ZBTB20: variants seen among roughly 807,000 people sequenced by gnomAD.
ZBTB20 encodes the protein zinc finger and BTB domain-containing protein 20.
Under a neutral mutation model 56.9 loss-of-function variants are expected in ZBTB20, and 9 were observed. That is an observed-to-expected ratio of 0.16 (90% confidence interval 0.10 to 0.28). The LOEUF (loss-of-function observed/expected upper bound fraction) is 0.28, where lower values mean the gene tolerates loss of function less well. Among genes scored for constraint, ZBTB20 ranks in the 10% least tolerant of loss-of-function variants. The pLI is 1.00. For missense variants in ZBTB20, 655 were observed against 1,003.0 expected (o/e 0.65, Z 4.69); for synonymous variants, 417 against 420.7 (o/e 0.99, Z 0.11).
intron 1 of ZBTB20, among the ~76,000 whole-genome samples, chr3:115,128,013 G>C (rs1300061125): frequency 2.0e-5 from 3 of 151,852 alleles, no homozygotes; most frequent in African/African-American, 7.3e-5. Context: ...CTAGCAATTG[G>C]GACAGTGATC....
chr3:114,506,293 A>C (rs1448662987), intron 6 of ZBTB20, among the ~76,000 whole-genome samples: 3 of 152,156 alleles, frequency 2.0e-5, no homozygotes, highest in African/African-American at 7.2e-5. Flanking sequence ...GTTATAATCA[A>C]TAAAGAGAGA....
At chr3:114,847,450 T>G (rs1435053272) in intron 4 of ZBTB20, among the ~76,000 whole-genome samples, 2 of 151,484 alleles carry the variant, frequency 1.3e-5, no homozygotes, top group African/African-American at 4.9e-5. Flanking sequence ...ACTGGGAGGG[T>G]GGGGGATGAA....
rs575798215 is a variant in ZBTB20, at chr3:114,333,298, C to T, written c.*5707G>A. The T allele has an allele frequency of 6.6e-6, 1 of 152,340 alleles. No homozygotes were observed. Among genetic ancestry groups the T allele is most frequent in the East Asian group, 1.9e-4 (1 of 5,186 alleles). The allele number at this position is 152,340 out of a possible 1,614,324, so 9.4% of individuals were successfully genotyped here. ...CCTTGGGAATATGAAAATACTCTCT[C>T]TCAAGAGCAAGGGCTCTTCCGTGCC... On this transcript the variant is annotated 3_prime_UTR_variant, in exon 12 of 12. Coordinates refer to ENST00000675478, the MANE Select transcript of ZBTB20 (RefSeq NM_001348800.3).
chr3:114,655,409 C>T (rs1290492130), intron 6 of ZBTB20, among the ~76,000 whole-genome samples: 4 of 150,844 alleles, frequency 2.7e-5, no homozygotes, highest in African/African-American at 4.9e-5. Context: ...CCCGCCACCG[C>T]GCCCGGCTAA....
chr3:115,025,754 G>A (rs2080398811), intron 2 of ZBTB20, among the ~76,000 whole-genome samples: 2 of 150,478 alleles, frequency 1.3e-5, no homozygotes, highest in Admixed American at 6.7e-5. Flanking sequence ...TAACACATAT[G>A]TGAATCATTT....
chr3:114,442,270 C>T (rs2090979179), intron 7 of ZBTB20, among the ~76,000 whole-genome samples: 1 of 152,096 alleles, frequency 6.6e-6, no homozygotes, highest in African/African-American at 2.4e-5. Flanking sequence ...GATATTAATG[C>T]TAATGATAAA....
At chr3:114,840,701 C>G (rs1400415403) in intron 4 of ZBTB20, among the ~76,000 whole-genome samples, 1 of 152,060 alleles carries the variant, frequency 6.6e-6, no homozygotes, top group Non-Finnish European at 1.5e-5. Context: ...CAAATTCATA[C>G]CCACCATTGA....
chr3:114,745,646 A>G (rs2066983418), intron 5 of ZBTB20, among the ~76,000 whole-genome samples: 1 of 152,168 alleles, frequency 6.6e-6, no homozygotes, highest in Non-Finnish European at 1.5e-5. Flanking sequence ...TATAATTCAA[A>G]ATATCTCACA....
chr3:114,758,248 C>T (rs1044941458), intron 5 of ZBTB20, among the ~76,000 whole-genome samples: 2 of 152,168 alleles, frequency 1.3e-5, no homozygotes, highest in East Asian at 3.9e-4. Flanking sequence ...CATTTGCACA[C>T]TCATATTTCT....
At chr3:114,971,672 A>C (rs987984813) in intron 3 of ZBTB20, among the ~76,000 whole-genome samples, 1 of 152,246 alleles carries the variant, frequency 6.6e-6, no homozygotes, top group Non-Finnish European at 1.5e-5. Context: ...GTGTATGAGA[A>C]GAATGGATGG....
chr3:114,825,605 G>A (rs9834547), intron 4 of ZBTB20, among the ~76,000 whole-genome samples: 105,895 of 151,590 alleles, frequency 0.7, 41,250 homozygotes, highest in East Asian at 0.96. Flanking sequence ...TAAGAGTTTC[G>A]GTGTGAGCTA....
intron 6 of ZBTB20, among the ~76,000 whole-genome samples, chr3:114,504,002 C>T (rs1478120578): frequency 1.3e-5 from 2 of 151,982 alleles, no homozygotes; most frequent in Non-Finnish European, 2.9e-5. Context: ...TTCATGAATC[C>T]CAGGTTAGGA....
intron 1 of ZBTB20, among the ~76,000 whole-genome samples, chr3:115,146,293 G>T (rs2084968386): frequency 6.7e-6 from 1 of 148,652 alleles, no homozygotes; most frequent in Non-Finnish European, 1.5e-5. Context: ...ATATGTTTGT[G>T]CAAGTGTGTT....
chr3:114,465,681 T>C (rs1240016252), intron 7 of ZBTB20, among the ~76,000 whole-genome samples: 1 of 150,972 alleles, frequency 6.6e-6, no homozygotes, highest in Non-Finnish European at 1.5e-5. Context: ...CACTCCAGCC[T>C]GAGTGACAGA....
At chr3:115,112,896 T>C (rs777864280) in intron 1 of ZBTB20, among the ~76,000 whole-genome samples, 5 of 152,224 alleles carry the variant, frequency 3.3e-5, no homozygotes, top group Non-Finnish European at 7.3e-5. Context: ...GCTGTACTTA[T>C]ATACATTCCC....
chr3:115,033,167 T>C (rs1246029907), intron 2 of ZBTB20, among the ~76,000 whole-genome samples: 1 of 150,712 alleles, frequency 6.6e-6, no homozygotes, highest in East Asian at 1.9e-4. Context: ...AAATCAGAAG[T>C]GAGAGAGGAA....
intron 6 of ZBTB20, among the ~76,000 whole-genome samples, chr3:114,611,292 G>A (rs1560033925): frequency 1.3e-5 from 2 of 152,122 alleles, no homozygotes; most frequent in Non-Finnish European, 2.9e-5. Flanking sequence ...TAGAATGAAT[G>A]CTCCTCCAGA....
chr3:114,737,251 A>AT (rs1000756141), intron 5 of ZBTB20, among the ~76,000 whole-genome samples: 4 of 152,114 alleles, frequency 2.6e-5, no homozygotes, highest in Non-Finnish European at 4.4e-5. Context: ...GTAGAGAAAC[A>AT]TTTTTTTGAA....
chr3:114,595,088 C>A (rs1369391758), intron 6 of ZBTB20, among the ~76,000 whole-genome samples: 2 of 152,106 alleles, frequency 1.3e-5, no homozygotes, highest in African/African-American at 4.8e-5. Flanking sequence ...GGGGTCAGCC[C>A]TTATATTACC....
Sources: gnomAD v4.1 joint callset for allele counts (sites outside exome capture counted in the v4.1 genomes callset) on GRCh38, gnomAD v4.1.1 for gene constraint, MANE v1.5 for transcripts, NCBI Gene and HGNC (gene_info 2026-07-23, HGNC 2026-07-21) for gene names.